Variants in CYFIP2 observed in about 807,000 individuals in gnomAD.
The protein encoded by CYFIP2 is cytoplasmic FMR1-interacting protein 2.
Under a neutral mutation model 158.7 loss-of-function variants are expected in CYFIP2, and 29 were observed. The ratio of observed to expected loss-of-function variants is 0.18; its 90% confidence interval spans 0.14 to 0.25. The LOEUF is 0.25. Among genes scored for constraint, CYFIP2 ranks in the 10% least tolerant of loss-of-function variants. CYFIP2 has a pLI of 1.00. For synonymous variants in CYFIP2, 585 were observed against 617.6 expected, an observed-to-expected ratio of 0.95 and a Z score of 0.78; for missense variants, 852 against 1,639.5, an observed-to-expected ratio of 0.52 and a Z score of 8.29.
chr5:157,381,632 C>A (rs930869206), intron 26 of CYFIP2, among the ~76,000 whole-genome samples: 3 of 151,540 alleles, frequency 2.0e-5, no homozygotes, highest in Non-Finnish European at 4.4e-5. Flanking sequence ...GCAGAGTGTT[C>A]TTCCTCTGGT....
chr5:157,361,709 A>C lies in CYFIP2; in HGVS notation c.3039+111A>C. 4 of 1,345,268 alleles carry C rather than the reference A, an allele frequency of 3.0e-6. No homozygotes were observed. Among genetic ancestry groups the C allele is most frequent in the Non-Finnish European group, 4.1e-6 (4 of 979,586 alleles). 83.3% of individuals were successfully genotyped at this position (1,345,268 alleles called of 1,614,324 possible). ...TGATTTGTGCTTTGAGTACAAGCTC[A>C]CATGCTCTTTTCAGTTCATTTCCAG... On this transcript the variant is annotated intron_variant, in intron 26 of 30. Coordinates refer to ENST00000620254, the MANE Select transcript of CYFIP2 (RefSeq NM_001037333.3). The surrounding 1 kb of genome is among the most constrained non-coding windows in gnomAD (Gnocchi z 4.4).
At chr5:157,359,942 A>G (rs1321984234) in intron 24 of CYFIP2, among the ~76,000 whole-genome samples, 3 of 152,232 alleles carry the variant, frequency 2.0e-5, no homozygotes, top group Admixed American at 6.5e-5. Context: ...TGAATGTGCC[A>G]TGAATTTTCC....
chr5:157,352,909 A>C (rs957243506), intron 23 of CYFIP2, among the ~76,000 whole-genome samples: 2 of 152,192 alleles, frequency 1.3e-5, no homozygotes, highest in African/African-American at 4.8e-5. Flanking sequence ...AGGCCATACG[A>C]AGACCCAGCA....
chr5:157,372,776 G>A (rs1473711925), intron 26 of CYFIP2, among the ~76,000 whole-genome samples: 1 of 152,198 alleles, frequency 6.6e-6, no homozygotes, highest in Admixed American at 6.5e-5. Flanking sequence ...AGCCAGGGAA[G>A]CTGGCCGGTC....
intron 3 of CYFIP2, among the ~76,000 whole-genome samples, chr5:157,293,973 C>G (rs1339380249): frequency 6.6e-6 from 1 of 152,002 alleles, no homozygotes; most frequent in Non-Finnish European, 1.5e-5. Context: ...AGTCGAGTCC[C>G]AAAAGTCCAG....
chr5:157,377,363 T>G (rs921460654), intron 26 of CYFIP2, among the ~76,000 whole-genome samples: 13 of 152,104 alleles, frequency 8.5e-5, no homozygotes, highest in African/African-American at 2.9e-4. Flanking sequence ...GCCTCTTGCT[T>G]TGGGGCCTTT....
At chr5:157,276,435 GATGTTA>G (rs1341149399) in intron 1 of CYFIP2, among the ~76,000 whole-genome samples, 1 of 152,128 alleles carries the variant, frequency 6.6e-6, no homozygotes, top group African/African-American at 2.4e-5. Flanking sequence ...TTGATATTCT[GATGTTA>G]ATGTTAATCC....
chr5:157,348,586 A>AT (rs1449283914), intron 23 of CYFIP2, among the ~76,000 whole-genome samples: 1 of 151,952 alleles, frequency 6.6e-6, no homozygotes, highest in Non-Finnish European at 1.5e-5. Context: ...TAATTTTTGT[A>AT]TTTTTAGTAG....
chr5:157,290,230 A>G (rs902244099), intron 3 of CYFIP2, among the ~76,000 whole-genome samples: 2 of 152,224 alleles, frequency 1.3e-5, no homozygotes, highest in African/African-American at 2.4e-5. Flanking sequence ...ATAGTTTTGT[A>G]GGTCAGAAGT....
At chr5:157,365,672 C>T (rs921033606) in intron 26 of CYFIP2, among the ~76,000 whole-genome samples, 2 of 151,652 alleles carry the variant, frequency 1.3e-5, no homozygotes, top group African/African-American at 4.8e-5. Context: ...CTTTCATGCC[C>T]TCTTCAGTGT....
At chr5:157,377,750 A>G (rs1057425642) in intron 26 of CYFIP2, among the ~76,000 whole-genome samples, 7 of 152,238 alleles carry the variant, frequency 4.6e-5, no homozygotes, top group African/African-American at 1.7e-4. Context: ...AGATCCTATT[A>G]TACACATGTT....
At chr5:157,333,239 C>A in intron 20 of CYFIP2, 88 bp from the exon 21 acceptor site, 2 of 1,554,902 alleles carry the variant, frequency 1.3e-6, no homozygotes, top group South Asian at 1.2e-5. Flanking sequence ...CCACCTTGGT[C>A]CCCCAAAGTG....
At chr5:157,278,732 T>C (rs906857246) in intron 1 of CYFIP2, among the ~76,000 whole-genome samples, 3 of 152,276 alleles carry the variant, frequency 2.0e-5, no homozygotes, top group Admixed American at 2.0e-4. Flanking sequence ...ATCCTCTCTA[T>C]TGAAAACAGG....
At position 157,322,852 on chromosome 5, in the gene CYFIP2, TTCTCTCTC is replaced by T. The variant is rs143886830; in HGVS notation, c.1672-1059_1672-1052del. 5 of 1,248,616 alleles carry T rather than the reference TTCTCTCTC, an allele frequency of 4.0e-6. No homozygotes were observed. In the East Asian group the frequency reaches 1.3e-4, roughly 34 times the overall value. 77.3% of individuals were successfully genotyped at this position (1,248,616 alleles called of 1,614,324 possible). A position where few individuals can be genotyped will look rare whatever the true frequency, so the allele number is the denominator to read the frequency against. On this transcript the variant is annotated intron_variant, in intron 15 of 30. Coordinates refer to ENST00000620254, the MANE Select transcript of CYFIP2 (RefSeq NM_001037333.3). ...CCACCGTATACAATACCTCTTGCTT[TTCTCTCTC>T]TCTCTCTCTTTCTCTCTCTCCCTCT...
intron 26 of CYFIP2, chr5:157,376,345 T>C (rs1765479736): frequency 6.6e-6 from 1 of 152,298 alleles, no homozygotes; most frequent in Admixed American, 6.5e-5. Context: ...CACTAGATGG[T>C]AAACTTCATT....
intron 26 of CYFIP2, among the ~76,000 whole-genome samples, chr5:157,379,316 T>C (rs1765802675): frequency 6.6e-6 from 1 of 152,012 alleles, no homozygotes; most frequent in Non-Finnish European, 1.5e-5. Flanking sequence ...TTGACTCCTT[T>C]CCATGAAAGG....
Position 157,296,735 on chromosome 5 carries a change from G to A in CYFIP2, c.348G>A (p.Glu116=). 6.2e-7 allele frequency: 1 copy of A among 1,613,868 alleles called. No homozygotes were observed. Among genetic ancestry groups the A allele is most frequent in the South Asian group, 1.1e-5 (1 of 91,076 alleles). Residue 116 remains glutamate, a synonymous_variant, in exon 5 of 31, where the codon GAG becomes GAA. Transcript: ENST00000620254. ...EIYEKTVEVL[E]PEVTKLMKFM... ...ATGAGAAGACAGTAGAGGTGCTGGA[G>A]CCGGAGGTCACCAAGCTCATGAAGT... is the stretch of plus-strand genomic sequence containing the variant.
At chr5:157,337,460 C>G (rs73815842) in intron 21 of CYFIP2, among the ~76,000 whole-genome samples, 236 of 152,368 alleles carry the variant, frequency 1.5e-3, no homozygotes, top group African/African-American at 5.4e-3. Flanking sequence ...CCCAAACTTT[C>G]TCTTCACCCC....
chr5:157,332,609 G>C (rs571598057), intron 20 of CYFIP2, among the ~76,000 whole-genome samples: 1 of 152,030 alleles, frequency 6.6e-6, no homozygotes, highest in East Asian at 1.9e-4. Flanking sequence ...GTTTCTTATC[G>C]GTGCATGCAC....
Sources: gnomAD v4.1 joint callset for allele counts (sites outside exome capture counted in the v4.1 genomes callset) on GRCh38, gnomAD v4.1.1 for gene constraint, Gnocchi (gnomAD v3.1) non-coding constraint, MANE v1.5 for transcripts, NCBI Gene and HGNC (gene_info 2026-07-23, HGNC 2026-07-21) for gene names.